LRRC43: variants seen among roughly 807,000 people sequenced by gnomAD.
The protein encoded by LRRC43 is leucine rich repeat containing 43, also known as leucine-rich repeat-containing protein 43.
Under a neutral mutation model 64.3 loss-of-function variants are expected in LRRC43, and 62 were observed. The observed-to-expected ratio is 0.96, with a 90% confidence interval of 0.79 to 1.19. The LOEUF is 1.19. LRRC43 is among the 50% of genes most tolerant of loss of function. The pLI, the probability that LRRC43 is intolerant of heterozygous loss-of-function variation, is 0.00. For missense variants in LRRC43, 868 were observed against 845.0 expected (o/e 1.03, Z -0.34); for synonymous variants, 422 against 382.3 (o/e 1.10, Z -1.21).
intron 1 of LRRC43, among the ~76,000 whole-genome samples, chr12:122,169,541 C>A (rs1442028198): frequency 6.6e-6 from 1 of 151,766 alleles, no homozygotes; most frequent in Non-Finnish European, 1.5e-5. Context: ...CGGTGAAACC[C>A]CGTCTCTACT....
chr12:122,181,025 G>A (rs1953576336), upstream of LRRC43, among the ~76,000 whole-genome samples: 1 of 151,842 alleles, frequency 6.6e-6, no homozygotes, highest in South Asian at 2.1e-4. Context: ...AGACCAGCCT[G>A]GGCAACATGG....
At chr12:122,180,451 G>A (rs1460183382), upstream of LRRC43, among the ~76,000 whole-genome samples, 4 of 152,094 alleles carry the variant, frequency 2.6e-5, no homozygotes, top group East Asian at 1.9e-4. Context: ...CCCAGGAGGC[G>A]GAGGTTGCAG....
chr12:122,168,643 A>C (rs1953460192), intron 1 of LRRC43, among the ~76,000 whole-genome samples: 1 of 152,160 alleles, frequency 6.6e-6, no homozygotes, highest in South Asian at 2.1e-4. Flanking sequence ...GAGAGTTCCT[A>C]TATACCCTTC....
intron 7 of LRRC43, among the ~76,000 whole-genome samples, chr12:122,199,733 G>A (rs1755910567): frequency 6.6e-6 from 1 of 152,036 alleles, no homozygotes; most frequent in Non-Finnish European, 1.5e-5. Context: ...GCAGCCATGT[G>A]CCACCACGCC....
In LRRC43 at chr12:122,191,415, A is replaced by G; in HGVS notation, c.937A>G (p.Ile313Val). The G allele has an allele frequency of 8.1e-6, 13 of 1,613,654 alleles. No homozygotes were observed. Among genetic ancestry groups the G allele is most frequent in the East Asian group, 2.2e-5 (1 of 44,854 alleles). ...LAQEAQFVVT[I>V]GNIRGVLDTS... ...ACAGGAGGCGCAGTTTGTGGTGACC[A>G]TCGGAAACATCAGAGGAGTCCTGGA... Residue 313 changes from isoleucine (I) to valine (V), a missense_variant, in exon 6 of 12, where the codon ATC becomes GTC. Transcript: ENST00000339777.
At chr12:122,198,480 G>A (rs754220142) in intron 7 of LRRC43, among the ~76,000 whole-genome samples, 1 of 152,024 alleles carries the variant, frequency 6.6e-6, no homozygotes, top group African/African-American at 2.4e-5. Context: ...AGTACTTTCT[G>A]TCTCTGTGGA....
intron 7 of LRRC43, among the ~76,000 whole-genome samples, chr12:122,193,209 T>C (rs1235692717): frequency 6.6e-6 from 1 of 151,276 alleles, no homozygotes; most frequent in Non-Finnish European, 1.5e-5. Context: ...TGAAACCCCG[T>C]CTCTACTAAA....
intron 4 of LRRC43, among the ~76,000 whole-genome samples, chr12:122,189,227 A>G (rs974314679): frequency 5.3e-5 from 8 of 152,144 alleles, no homozygotes; most frequent in Non-Finnish European, 1.5e-5. Flanking sequence ...CCAGGACTTC[A>G]GCAGCCCAGC....
upstream of LRRC43, among the ~76,000 whole-genome samples, chr12:122,182,522 CAAA>C (rs71082944): frequency 0.013 from 371 of 28,856 alleles, 2 homozygotes; most frequent in South Asian, 0.05. Context: ...AACTCGGTCT[CAAA>C]AAAAAAAAAA....
chr12:122,170,081 A>G (rs1041711079), intron 1 of LRRC43, among the ~76,000 whole-genome samples: 3 of 151,986 alleles, frequency 2.0e-5, no homozygotes, highest in Non-Finnish European at 2.9e-5. Flanking sequence ...TGCTGGGATT[A>G]CAGGTGTGAG....
At chr12:122,188,176 T>G (rs1310103161) in intron 4 of LRRC43, among the ~76,000 whole-genome samples, 1 of 152,148 alleles carries the variant, frequency 6.6e-6, no homozygotes, top group Non-Finnish European at 1.5e-5. Flanking sequence ...GCGCCATCTC[T>G]GCTCATTGCA....
chr12:122,198,967 A>G (rs1215063528), intron 7 of LRRC43, among the ~76,000 whole-genome samples: 1 of 143,426 alleles, frequency 7.0e-6, no homozygotes, highest in East Asian at 2.2e-4. Context: ...TATTATTGTC[A>G]TATGTACTTT....
upstream of LRRC43, among the ~76,000 whole-genome samples, chr12:122,181,273 G>A (rs923676193): frequency 6.6e-6 from 1 of 151,970 alleles, no homozygotes; most frequent in African/African-American, 2.4e-5. Context: ...GCTGGGCCCG[G>A]TGGCTCATGC....
chr12:122,182,380 G>A (rs1219231853), upstream of LRRC43, among the ~76,000 whole-genome samples: 1 of 151,990 alleles, frequency 6.6e-6, no homozygotes, highest in African/African-American at 2.4e-5. Context: ...ACATTAGCGG[G>A]GCGTTGTGGC....
At chr12:122,185,646 C>G (rs2136032400) in intron 2 of LRRC43, among the ~76,000 whole-genome samples, 1 of 152,334 alleles carries the variant, frequency 6.6e-6, no homozygotes, top group East Asian at 1.9e-4. Flanking sequence ...AATAGGGTGA[C>G]TGACTGGTAG....
intron 4 of LRRC43, among the ~76,000 whole-genome samples, chr12:122,188,801 A>G (rs1953678115): frequency 6.6e-6 from 1 of 152,044 alleles, no homozygotes; most frequent in South Asian, 2.1e-4. Flanking sequence ...GAACCCCATC[A>G]CCCTTTGATG....
intron 4 of LRRC43, 104 bp downstream of exon 4, chr12:122,187,944 A>C: frequency 8.6e-7 from 1 of 1,169,322 alleles, no homozygotes; most frequent in East Asian, 2.5e-5. Flanking sequence ...CTTTTTTGTA[A>C]CTCCCAGTTG....
chr12:122,173,905 C>G (rs767436460), intron 1 of LRRC43: 3 of 1,614,036 alleles, frequency 1.9e-6, no homozygotes, highest in African/African-American at 2.7e-5. Flanking sequence ...TACATCATCA[C>G]TTGGTCGTAG....
intron 1 of LRRC43, chr12:122,167,834 A>G (rs545194629): frequency 1.6e-5 from 2 of 128,584 alleles, no homozygotes; most frequent in African/African-American, 5.9e-5. Flanking sequence ...TTTTTTTTTG[A>G]AATGGAGTCT....
Sources: allele counts gnomAD v4.1 joint callset (sites outside exome capture counted in the v4.1 genomes callset), GRCh38; gene constraint gnomAD v4.1.1; transcripts MANE v1.5; gene names NCBI Gene and HGNC (gene_info 2026-07-23, HGNC 2026-07-21).